Variants in PLEKHG1 observed in about 807,000 individuals in gnomAD.
PLEKHG1 encodes the protein pleckstrin homology domain-containing family G member 1.
A neutral mutation model predicts 100.8 loss-of-function variants in PLEKHG1; 44 were observed. That is an observed-to-expected ratio of 0.44 (90% CI 0.34 to 0.56). PLEKHG1 has a LOEUF of 0.56. Among genes scored for constraint, PLEKHG1 ranks in the 20% least tolerant of loss-of-function variants. PLEKHG1 has a pLI of 0.01. For missense variants in PLEKHG1, 1,545 were observed against 1,720.9 expected, an observed-to-expected ratio of 0.90 and a Z score of 1.81; for synonymous variants, 640 against 662.5, an observed-to-expected ratio of 0.97 and a Z score of 0.52.
At chr6:150,813,395 A>G (rs1787662471) in intron 10 of PLEKHG1, among the ~76,000 whole-genome samples, 2 of 151,782 alleles carry the variant, frequency 1.3e-5, no homozygotes, top group African/African-American at 2.4e-5. Flanking sequence ...GCTGGCCCCC[A>G]TGAATCAGTG....
At chr6:150,725,077 A>G (rs931541115) in intron 1 of PLEKHG1, among the ~76,000 whole-genome samples, 1 of 152,202 alleles carries the variant, frequency 6.6e-6, no homozygotes, top group African/African-American at 2.4e-5. Context: ...AGGAACAGAA[A>G]TTGATTGCTC....
intron 15 of PLEKHG1, among the ~76,000 whole-genome samples, chr6:150,838,615 C>T (rs770731241): frequency 1.3e-5 from 2 of 152,148 alleles, no homozygotes; most frequent in African/African-American, 2.4e-5. Context: ...GGGCTCCCAT[C>T]TTAAATTTTT....
intron 7 of PLEKHG1, among the ~76,000 whole-genome samples, chr6:150,806,329 C>T (rs1451417437): frequency 1.3e-5 from 2 of 150,908 alleles, no homozygotes; most frequent in Non-Finnish European, 2.9e-5. Flanking sequence ...ACAGTCATCC[C>T]CCCTATCCGC....
chr6:150,713,787 C>T (rs1781325968), intron 3 of PLEKHG1, among the ~76,000 whole-genome samples: 1 of 152,050 alleles, frequency 6.6e-6, no homozygotes, highest in Non-Finnish European at 1.5e-5. Context: ...GGAGCTGAGC[C>T]CTCTCCTTCA....
chr6:150,702,145 A>G (rs1243875454), intron 3 of PLEKHG1, among the ~76,000 whole-genome samples: 1 of 152,244 alleles, frequency 6.6e-6, no homozygotes, highest in Non-Finnish European at 1.5e-5. Flanking sequence ...TTGCCACTTC[A>G]GAAATACAAC....
chr6:150,722,055 T>C (rs1387875195), intron 1 of PLEKHG1, among the ~76,000 whole-genome samples: 1 of 152,114 alleles, frequency 6.6e-6, no homozygotes, highest in Admixed American at 6.6e-5. Context: ...AAATTATTCG[T>C]TTTACTCAGT....
chr6:150,641,297 T>C (rs1778249444), intron 2 of PLEKHG1, among the ~76,000 whole-genome samples: 2 of 152,206 alleles, frequency 1.3e-5, no homozygotes, highest in Admixed American at 6.5e-5. Flanking sequence ...AAAACCCTGA[T>C]GGTTTCTGTG....
At position 150,804,760 on chromosome 6, in the gene PLEKHG1, G is replaced by T. The variant is rs712218; in HGVS notation, c.912+19G>T. ...GTTACAGGTGAGCCCGCGAGGTGTC[G>T]GTGCCCGGCAGGGTTGCAGGTGTAG... On this transcript the variant is annotated intron_variant, in intron 7 of 15. Transcript: ENST00000358517. The T allele has an allele frequency of 5.6e-6, 9 of 1,608,352 alleles. No homozygotes were observed. In the South Asian group the frequency reaches 1.0e-4, roughly 18 times the overall value.
chr6:150,778,203 G>T (rs1188789220), intron 3 of PLEKHG1, among the ~76,000 whole-genome samples: 2 of 152,090 alleles, frequency 1.3e-5, no homozygotes, highest in Non-Finnish European at 2.9e-5. Context: ...TCTAGGCTCA[G>T]TGTATCCTCC....
chr6:150,693,186 G>A (rs1356554831), intron 3 of PLEKHG1, among the ~76,000 whole-genome samples: 3 of 152,158 alleles, frequency 2.0e-5, no homozygotes, highest in Non-Finnish European at 4.4e-5. Context: ...TACTCGGGAG[G>A]CTGAGACAGG....
intron 15 of PLEKHG1, among the ~76,000 whole-genome samples, chr6:150,839,150 T>C (rs1478045957): frequency 1.3e-5 from 2 of 152,204 alleles, no homozygotes; most frequent in Non-Finnish European, 2.9e-5. Flanking sequence ...AGTCTCACTC[T>C]GTCACCCAGG....
intron 1 of PLEKHG1, among the ~76,000 whole-genome samples, chr6:150,610,536 G>T (rs1776782174): frequency 2.0e-5 from 3 of 152,028 alleles, no homozygotes; most frequent in African/African-American, 7.3e-5. Context: ...TTAGCTTTAA[G>T]AAATTTAAGT....
At chr6:150,688,572 T>C (rs932329231) in intron 3 of PLEKHG1, among the ~76,000 whole-genome samples, 1 of 152,192 alleles carries the variant, frequency 6.6e-6, no homozygotes, top group African/African-American at 2.4e-5. Context: ...TCCACCTGCG[T>C]TGGCCTCCCA....
chr6:150,639,086 T>C (rs754233921), intron 2 of PLEKHG1, among the ~76,000 whole-genome samples: 1 of 152,198 alleles, frequency 6.6e-6, no homozygotes, highest in Non-Finnish European at 1.5e-5. Flanking sequence ...CCTTAGAAAG[T>C]GAAAAGAATT....
rs1392614547 is a variant in PLEKHG1 at position 150,600,632 on chromosome 6, C to T, written c.-204+615C>T. Among the ~76,000 whole-genome samples the T allele has an allele frequency of 1.3e-5, 2 of 152,248 alleles. No homozygotes were observed. Among genetic ancestry groups the T allele is most frequent in the Non-Finnish European group, 2.9e-5 (2 of 68,044 alleles). On this transcript the variant is annotated intron_variant, in intron 1 of 3. Coordinates refer to the PLEKHG1 transcript ENST00000367326. This position sits in a 1 kb window ranked among gnomAD's most constrained non-coding sequence, Gnocchi z 6.2. ...GGTGGGGAGTCAAGAGCCTGTGGCT[C>T]TTCCGTCACGGGGTAAACGGTAACA... is the stretch of plus-strand genomic sequence containing the variant.
intron 2 of PLEKHG1, among the ~76,000 whole-genome samples, chr6:150,753,737 C>A (rs1354483725): frequency 2.6e-5 from 4 of 152,122 alleles, no homozygotes; most frequent in Non-Finnish European, 5.9e-5. Context: ...GAGTTAAAAA[C>A]GAAATGCATA....
intron 3 of PLEKHG1, among the ~76,000 whole-genome samples, chr6:150,714,498 G>A (rs75377552): frequency 0.024 from 3,683 of 152,304 alleles, 65 homozygotes; most frequent in South Asian, 0.054. Context: ...ATACGATGGA[G>A]ATGTCAAATC....
exon 16 of PLEKHG1, chr6:150,840,571 A>G (rs545832518): frequency 1.5e-4 from 241 of 1,614,218 alleles, no homozygotes; most frequent in Middle Eastern, 1.5e-3. Flanking sequence ...GGAGATGAAG[A>G]TGACTATGTG....
At chr6:150,752,489 GTC>G (rs1783577263) in intron 2 of PLEKHG1, among the ~76,000 whole-genome samples, 1 of 152,052 alleles carries the variant, frequency 6.6e-6, no homozygotes, top group Non-Finnish European at 1.5e-5. Flanking sequence ...TCTACTTTCT[GTC>G]TCTCTGAATT....
Sources: allele counts gnomAD v4.1 joint callset (sites outside exome capture counted in the v4.1 genomes callset), GRCh38; gene constraint gnomAD v4.1.1; non-coding constraint Gnocchi (gnomAD v3.1); transcripts MANE v1.5; gene names NCBI Gene and HGNC (gene_info 2026-07-23, HGNC 2026-07-21).